MACF1: variants seen among roughly 807,000 people sequenced by gnomAD.
MACF1 encodes the protein microtubule-actin cross-linking factor 1.
In MACF1, 193 loss-of-function variants were observed where a neutral mutation model predicts 854.8. The observed-to-expected ratio is 0.23, with a 90% confidence interval of 0.20 to 0.25. The LOEUF (loss-of-function observed/expected upper bound fraction) is 0.25. MACF1 is among the 10% of genes least tolerant of loss of function. The pLI, the probability that MACF1 is intolerant of heterozygous loss-of-function variation, is 1.00. For synonymous variants in MACF1, 3,185 were observed against 3,226.7 expected, an observed-to-expected ratio of 0.99 and a Z score of 0.44; for missense variants, 7,722 against 8,929.1, an observed-to-expected ratio of 0.86 and a Z score of 5.45.
In MACF1 at chr1:39,334,807, T is replaced by C. The variant is rs777215716; in HGVS notation, c.8219T>C (p.Val2740Ala). Reference sequence around the variant, plus strand: ...GTTGACATATTTAGTGATCAGAGAGTGACTTTAGTAGAAGCTATTGAGAAA... The same window carrying C: ...GTTGACATATTTAGTGATCAGAGAGCGACTTTAGTAGAAGCTATTGAGAAA... ...GIVDIFSDQR[V>A]TLVEAIEKRL... Residue 2740 changes from valine to alanine, a missense_variant, in exon 37 of 101, where the codon GTG (valine) becomes GCG (alanine). Physicochemically the swap from Val to Ala is moderately conservative, Grantham distance 64. Transcript: ENST00000564288. 27 of 1,613,958 alleles carry C rather than the reference T, an allele frequency of 1.7e-5. No individual in the cohort carries two copies. In the Admixed American group the frequency reaches 4.2e-4, roughly 25 times the overall value.
chr1:39,456,072 C>G (rs910845456), intron 89 of MACF1, among the ~76,000 whole-genome samples: 3 of 152,042 alleles, frequency 2.0e-5, no homozygotes, highest in Non-Finnish European at 2.9e-5. Context: ...GGTGGCTCAC[C>G]CCTGTAATCC....
intron 58 of MACF1, among the ~76,000 whole-genome samples, chr1:39,401,134 A>T (rs898777956): frequency 6.6e-6 from 1 of 152,170 alleles, no homozygotes; most frequent in Admixed American, 6.5e-5. Flanking sequence ...TTTATTCATT[A>T]ATTCATTTAT....
intron 2 of MACF1, among the ~76,000 whole-genome samples, chr1:39,116,439 C>G (rs1642548623): frequency 6.6e-6 from 1 of 151,736 alleles, no homozygotes; most frequent in Non-Finnish European, 1.5e-5. Flanking sequence ...TGTTTTCCCT[C>G]TAGCCCTAGA....
chr1:39,128,031 G>T (rs1037699641), intron 2 of MACF1, among the ~76,000 whole-genome samples: 3 of 152,066 alleles, frequency 2.0e-5, no homozygotes, highest in Admixed American at 1.3e-4. Flanking sequence ...AGGCCCACTG[G>T]TCAGGGTAAC....
chr1:39,172,309 T>C (rs1643961745), intron 2 of MACF1, among the ~76,000 whole-genome samples: 1 of 152,200 alleles, frequency 6.6e-6, no homozygotes, highest in African/African-American at 2.4e-5. Flanking sequence ...TAGGAAAGAA[T>C]TGATTATAGC....
chr1:39,324,069 T>C, intron 33 of MACF1, 124 bp from the exon 34 acceptor site: 2 of 992,438 alleles, frequency 2.0e-6, no homozygotes, highest in Non-Finnish European at 2.9e-6. Flanking sequence ...GGGGTTATTT[T>C]CACAGCCCAC....
rs964634633 is a variant in MACF1 at position 39,102,788 on chromosome 1, A to C, written c.220+18350A>C. On this transcript the variant is annotated intron_variant, in intron 2 of 93. Coordinates refer to the MACF1 transcript ENST00000361689. Reference sequence around the variant, plus strand: ...CAGTCTCACCCATCAGGAGCAAAAGAAAATCAAAGACCAAAAGGAGAAAGC... The same window carrying C: ...CAGTCTCACCCATCAGGAGCAAAAGCAAATCAAAGACCAAAAGGAGAAAGC... 4 of 702,614 alleles carry C rather than the reference A, an allele frequency of 5.7e-6. No individual in the cohort carries two copies. In the Admixed American group the frequency reaches 8.0e-5, roughly 14 times the overall value. 43.5% of individuals were successfully genotyped at this position (702,614 alleles called of 1,614,324 possible). A position where few individuals can be genotyped will look rare whatever the true frequency, so the allele number is the denominator to read the frequency against.
At chr1:39,156,981 T>C (rs1643702650) in intron 2 of MACF1, among the ~76,000 whole-genome samples, 1 of 150,232 alleles carries the variant, frequency 6.7e-6, no homozygotes, top group Admixed American at 6.6e-5. Flanking sequence ...TTTTTTTTTT[T>C]TCCTCTAAGT....
chr1:39,268,757 G>A (rs758933140), intron 6 of MACF1: 112 of 1,289,328 alleles, frequency 8.7e-5, no homozygotes, highest in Non-Finnish European at 1.0e-4. Flanking sequence ...TTCCTGAGAA[G>A]GCTCCCATAT....
Position 39,485,824 on chromosome 1 carries a change from C to T in MACF1, c.*30C>T, listed in dbSNP as rs779170739. On this transcript the variant is annotated 3_prime_UTR_variant, in exon 101 of 101. Coordinates refer to ENST00000564288, the MANE Select transcript of MACF1 (RefSeq NM_001394062.1). ...GTCTAAGCACCCCCAAGCCACTATCCACTTTGAATCCTGCTCCATACATTG... is the reference window on the plus strand; with the variant it reads ...GTCTAAGCACCCCCAAGCCACTATCTACTTTGAATCCTGCTCCATACATTG... The T allele has an allele frequency of 1.3e-6, 2 of 1,543,940 alleles. No individual in the cohort carries two copies. The highest frequency in any genetic ancestry group is 1.7e-6 in the Non-Finnish European group (2 of 1,143,380).
intron 2 of MACF1, among the ~76,000 whole-genome samples, chr1:39,108,227 G>A (rs1450666986): frequency 6.6e-6 from 1 of 152,114 alleles, no homozygotes; most frequent in African/African-American, 2.4e-5. Flanking sequence ...TTCAGAGTGG[G>A]CAGCAGCCAA....
intron 15 of MACF1, 45 bp downstream of exon 15, chr1:39,287,607 G>C (rs1262497323): frequency 6.2e-7 from 1 of 1,603,142 alleles, no homozygotes; most frequent in East Asian, 2.2e-5. Context: ...GATGTTTACT[G>C]GATCTGGAAG....
At position 39,393,189 on chromosome 1, in the gene MACF1, AAAAAAAAATATAT is replaced by A. The variant is rs1159065227; in HGVS notation, c.15816+4533_15816+4545del. Among the ~76,000 whole-genome samples the A allele has an allele frequency of 2.9e-3, 306 of 103,988 alleles. 3 individuals carry two copies. The highest frequency in any genetic ancestry group is 0.012 in the East Asian group (45 of 3,706). 68.2% of individuals were successfully genotyped at this position (103,988 alleles called of 152,430 possible). The stretch of plus-strand genomic sequence containing the variant: ...GACCTTCCTGGGAAGGGTAAAAAAA[AAAAAAAAATATAT>A]ATATATATATATATATATATATGTT... On this transcript the variant is annotated intron_variant, in intron 58 of 100. Coordinates refer to ENST00000564288, the MANE Select transcript of MACF1 (RefSeq NM_001394062.1).
intron 2 of MACF1, among the ~76,000 whole-genome samples, chr1:39,138,821 T>A (rs1255572350): frequency 9.8e-3 from 1,288 of 132,016 alleles, no homozygotes; most frequent in South Asian, 0.011. Context: ...AGTGCCACCA[T>A]GCCCGGCTAA....
intron 1 of MACF1, among the ~76,000 whole-genome samples, chr1:39,226,945 C>G (rs574335560): frequency 1.3e-5 from 2 of 152,286 alleles, no homozygotes; most frequent in South Asian, 4.1e-4. Context: ...TATAGTGAAG[C>G]ACAGTGGGCC....
At chr1:39,235,078 G>T (rs1644843657) in intron 2 of MACF1, among the ~76,000 whole-genome samples, 1 of 151,964 alleles carries the variant, frequency 6.6e-6, no homozygotes, top group Admixed American at 6.5e-5. Flanking sequence ...GCCAGGCAGA[G>T]ACGCTCCTCA....
At chr1:39,414,272 G>A in intron 58 of MACF1, 1 of 1,614,034 alleles carries the variant, frequency 6.2e-7, no homozygotes, top group Non-Finnish European at 8.5e-7. Context: ...TCCCCCATTG[G>A]TGTGCCCTTC....
chr1:39,476,579 A>AAAAG (rs1175126675), intron 97 of MACF1, among the ~76,000 whole-genome samples: 1 of 152,116 alleles, frequency 6.6e-6, no homozygotes, highest in Non-Finnish European at 1.5e-5. Flanking sequence ...TCAAAAAAAA[A>AAAAG]AAAGAAAGAA....
At chr1:39,285,832 A>G in intron 14 of MACF1, 74 bp downstream of exon 14, 1 of 1,524,778 alleles carries the variant, frequency 6.6e-7, no homozygotes, top group Non-Finnish European at 9.0e-7. Flanking sequence ...GTAGAGCAAG[A>G]GTCAGGCACT....
Sources: gnomAD v4.1 joint callset for allele counts (sites outside exome capture counted in the v4.1 genomes callset) on GRCh38, gnomAD v4.1.1 for gene constraint, MANE v1.5 for transcripts, NCBI Gene and HGNC (gene_info 2026-07-23, HGNC 2026-07-21) for gene names.